The following NAA50 variants were observed in gnomAD, a reference collection of about 807,000 sequenced individuals.
NAA50 encodes the protein N-alpha-acetyltransferase 50.
NAA50 carries 7 observed loss-of-function variants against 20.7 expected under a neutral mutation model. The ratio of observed to expected loss-of-function variants is 0.34; its 90% CI spans 0.19 to 0.63. The LOEUF (loss-of-function observed/expected upper bound fraction) is 0.63. NAA50 is among the 30% of genes least tolerant of loss of function. The probability of loss-of-function intolerance (pLI) is 0.75; values close to 1 mark genes in which losing one functional copy is unlikely to be tolerated. For missense variants in NAA50, 111 were observed against 199.1 expected (o/e 0.56, Z 2.66); for synonymous variants, 54 against 70.6 (o/e 0.77, Z 1.18).
intron 1 of NAA50, among the ~76,000 whole-genome samples, chr3:113,734,611 A>T (rs528887914): frequency 6.6e-6 from 1 of 152,262 alleles, no homozygotes. Context: ...TTCTTACTAT[A>T]TGAACAAGTA....
At chr3:113,735,685 TTTTG>T (rs1178177472) in intron 1 of NAA50, among the ~76,000 whole-genome samples, 3 of 152,070 alleles carry the variant, frequency 2.0e-5, no homozygotes, top group African/African-American at 7.2e-5. Flanking sequence ...CCCACAGGTT[TTTTG>T]TTTGTTTGGT....
At position 113,718,405 on chromosome 3, in the gene NAA50, T is replaced by C. The variant is rs1333044092; in HGVS notation, c.*3355A>G. 1 of 152,154 alleles carries C rather than the reference T, an allele frequency of 6.6e-6. No individual in the cohort carries two copies. Among genetic ancestry groups the C allele is most frequent in the Non-Finnish European group, 1.5e-5 (1 of 68,024 alleles). The allele number at this position is 152,154 out of a possible 1,614,324, so 9.4% of individuals were successfully genotyped here. ...GATCCAGAACTGTGGAAGGTAATAC[T>C]TGTTTGTTGTTTTAAACTACAGTAA... On this transcript the variant is annotated 3_prime_UTR_variant, in exon 5 of 5. Coordinates refer to ENST00000240922, the MANE Select transcript of NAA50 (RefSeq NM_025146.4).
chr3:113,729,791 C>A (rs907017230), intron 1 of NAA50, among the ~76,000 whole-genome samples: 8 of 152,066 alleles, frequency 5.3e-5, no homozygotes, highest in Non-Finnish European at 1.2e-4. Context: ...CTCCTGAACT[C>A]AAGCAATCCA....
chr3:113,721,647 G>A lies in NAA50; in HGVS notation c.*113C>T. The A allele has an allele frequency of 9.2e-7, 1 of 1,088,214 alleles. No individual in the cohort carries two copies. The highest frequency in any genetic ancestry group is 1.4e-5 in the South Asian group (1 of 71,932). 67.4% of individuals were successfully genotyped at this position (1,088,214 alleles called of 1,614,324 possible). ...AAAGGAAAGGAAGAAAGAAAAACAA[G>A]AACAAGGAGGGAGAAAAGCTTTAAA... On this transcript the variant is annotated 3_prime_UTR_variant, in exon 5 of 5. Coordinates refer to ENST00000240922, the MANE Select transcript of NAA50 (RefSeq NM_025146.4).
intron 1 of NAA50, among the ~76,000 whole-genome samples, chr3:113,727,987 T>C (rs989088798): frequency 6.6e-6 from 1 of 152,018 alleles, no homozygotes; most frequent in Non-Finnish European, 1.5e-5. Flanking sequence ...TCCTGATCAC[T>C]TAGCTCCAAA....
rs1231339542 is a variant in NAA50 at position 113,718,842 on chromosome 3, A to G, written c.*2918T>C. 6.6e-6 allele frequency: 1 copy of G among 152,614 alleles called. No individual in the cohort carries two copies. The highest frequency in any genetic ancestry group is 1.5e-5 in the Non-Finnish European group (1 of 68,038). 9.5% of individuals were successfully genotyped at this position (152,614 alleles called of 1,614,324 possible). ...AGATCTGAATTAGGATGCCTTAATT[A>G]CACTTGGCCTATTTTAATGATTTTA... On this transcript the variant is annotated 3_prime_UTR_variant, in exon 5 of 5. Transcript: ENST00000240922.
chr3:113,742,570 A>T (rs1708432999), intron 1 of NAA50, among the ~76,000 whole-genome samples: 1 of 152,136 alleles, frequency 6.6e-6, no homozygotes, highest in South Asian at 2.1e-4. Context: ...ACAAGGTCTC[A>T]CTATGCTGAG....
chr3:113,721,650 C>T lies in NAA50; in HGVS notation c.*110G>A. ...GGAAAGGAAGAAAGAAAAACAAGAA[C>T]AAGGAGGGAGAAAAGCTTTAAAAGA... is the stretch of plus-strand genomic sequence containing the variant. On this transcript the variant is annotated 3_prime_UTR_variant, in exon 5 of 5. Transcript: ENST00000240922. 1 of 1,115,286 alleles carries T rather than the reference C, an allele frequency of 9.0e-7. No homozygotes were observed. Among genetic ancestry groups the T allele is most frequent in the Non-Finnish European group, 1.3e-6 (1 of 760,078 alleles). The allele number at this position is 1,115,286 out of a possible 1,614,324, so 69.1% of individuals were successfully genotyped here. A position where few individuals can be genotyped will look rare whatever the true frequency, so the allele number is the denominator to read the frequency against.
intron 1 of NAA50, among the ~76,000 whole-genome samples, chr3:113,729,201 G>A (rs1175550126): frequency 6.6e-6 from 1 of 152,126 alleles, no homozygotes; most frequent in Non-Finnish European, 1.5e-5. Flanking sequence ...GGCCAGGCTG[G>A]TCTTGAAATT....
At chr3:113,728,648 T>C (rs1577068983) in intron 1 of NAA50, among the ~76,000 whole-genome samples, 2 of 152,356 alleles carry the variant, frequency 1.3e-5, no homozygotes, top group South Asian at 2.1e-4. Flanking sequence ...CGGCCTCGTA[T>C]ATGGACGCAT....
chr3:113,730,127 C>T (rs764834117), intron 1 of NAA50, among the ~76,000 whole-genome samples: 2 of 151,966 alleles, frequency 1.3e-5, no homozygotes, highest in Non-Finnish European at 2.9e-5. Context: ...TGGTGAAACC[C>T]TGTCTCTACT....
At chr3:113,728,275 T>C (rs1706412278) in intron 1 of NAA50, among the ~76,000 whole-genome samples, 1 of 152,244 alleles carries the variant, frequency 6.6e-6, no homozygotes, top group South Asian at 2.1e-4. Context: ...TCTAAAGTTC[T>C]TATGAACATA....
intron 1 of NAA50, chr3:113,741,212 C>A: frequency 2.1e-6 from 1 of 475,852 alleles, no homozygotes; most frequent in Non-Finnish European, 4.1e-6. Context: ...ATCAGCTGCC[C>A]AGCATTCCTG....
At chr3:113,735,459 G>C (rs1354905982) in intron 1 of NAA50, among the ~76,000 whole-genome samples, 2 of 152,130 alleles carry the variant, frequency 1.3e-5, no homozygotes, top group Non-Finnish European at 2.9e-5. Flanking sequence ...AGGGAAACAA[G>C]GGCTAAGGAT....
chr3:113,724,195 A>G (rs1029924516), intron 1 of NAA50, 100 bp from the exon 2 acceptor site: 26 of 1,250,372 alleles, frequency 2.1e-5, no homozygotes, highest in Non-Finnish European at 2.6e-5. Context: ...TGATTGATAA[A>G]TCCAACTCTT....
Position 113,721,494 on chromosome 3 carries a change from T to C in NAA50, c.*266A>G. The C allele has an allele frequency of 4.2e-6, 2 of 474,492 alleles. No homozygotes were observed. The highest frequency in any genetic ancestry group is 5.3e-5 in the South Asian group (2 of 37,662). 29.4% of individuals were successfully genotyped at this position (474,492 alleles called of 1,614,324 possible). A position where few individuals can be genotyped will look rare whatever the true frequency, so the allele number is the denominator to read the frequency against. On this transcript the variant is annotated 3_prime_UTR_variant, in exon 5 of 5. Transcript: ENST00000240922. ...TGACAATTAAATGTTTAGGACCATC[T>C]AACTTCAACTGCAAAACTAAACAGA...
At chr3:113,723,256 G>T (rs1708158882) in intron 3 of NAA50, among the ~76,000 whole-genome samples, 166 bp downstream of exon 3, 1 of 152,124 alleles carries the variant, frequency 6.6e-6, no homozygotes, top group Non-Finnish European at 1.5e-5. Context: ...GCTTCCAATA[G>T]AATTATGTTA....
chr3:113,735,125 G>A (rs1414786514), intron 1 of NAA50, among the ~76,000 whole-genome samples: 1 of 152,148 alleles, frequency 6.6e-6, no homozygotes, highest in African/African-American at 2.4e-5. Context: ...TAGTAAGAAG[G>A]TCAAAGAAAA....
chr3:113,725,440 T>G (rs1490960967), intron 1 of NAA50, among the ~76,000 whole-genome samples: 1 of 152,034 alleles, frequency 6.6e-6, no homozygotes, highest in Non-Finnish European at 1.5e-5. Flanking sequence ...TTTGAAATGT[T>G]AAAATTTAGA....
Sources: allele counts gnomAD v4.1 joint callset (sites outside exome capture counted in the v4.1 genomes callset), GRCh38; gene constraint gnomAD v4.1.1; transcripts MANE v1.5; gene names NCBI Gene and HGNC (gene_info 2026-07-23, HGNC 2026-07-21).